Variants in WNT2B observed in about 807,000 individuals in gnomAD.
WNT2B encodes the protein protein Wnt-2b.
In WNT2B, 19 loss-of-function variants were observed where a neutral mutation model predicts 40.5. The ratio of observed to expected loss-of-function variants is 0.47; its 90% CI spans 0.33 to 0.69. WNT2B has a LOEUF of 0.69. WNT2B is among the 30% of genes least tolerant of loss of function. The pLI, the probability that WNT2B is intolerant of heterozygous loss-of-function variation, is 0.02. For missense variants in WNT2B, 467 were observed against 556.4 expected (o/e 0.84, Z 1.62); for synonymous variants, 220 against 211.9 (o/e 1.04, Z -0.33).
chr1:112,479,464 C>G (rs910728749), intron 1 of WNT2B, among the ~76,000 whole-genome samples: 17 of 151,570 alleles, frequency 1.1e-4, no homozygotes, highest in Non-Finnish European at 1.9e-4. Context: ...ATCCCAGCTA[C>G]TTGGGAGGCT....
intron 1 of WNT2B, among the ~76,000 whole-genome samples, chr1:112,485,272 C>T (rs368593671): frequency 6.6e-6 from 1 of 151,992 alleles, no homozygotes; most frequent in Admixed American, 6.6e-5. Context: ...ACCAGCCTGC[C>T]CAACATGTCA....
chr1:112,496,672 C>T (rs1651782811), intron 1 of WNT2B, among the ~76,000 whole-genome samples: 2 of 151,554 alleles, frequency 1.3e-5, no homozygotes, highest in African/African-American at 2.4e-5. Flanking sequence ...ATGATCTTGG[C>T]TCACCACAAC....
At chr1:112,507,084 A>G (rs934314116), upstream of WNT2B, among the ~76,000 whole-genome samples, 3 of 152,160 alleles carry the variant, frequency 2.0e-5, no homozygotes, top group African/African-American at 7.2e-5. Context: ...CCCTCGGCTT[A>G]GGATGCTCTT....
chr1:112,517,083 C>G, intron 3 of WNT2B, 38 bp from the exon 4 acceptor site: 1 of 1,593,090 alleles, frequency 6.3e-7, no homozygotes, highest in Non-Finnish European at 8.6e-7. Context: ...GTGTCCTGAC[C>G]AGCTACTTCT....
At chr1:112,488,890 A>G (rs1253490834) in intron 1 of WNT2B, among the ~76,000 whole-genome samples, 1 of 151,828 alleles carries the variant, frequency 6.6e-6, no homozygotes, top group Non-Finnish European at 1.5e-5. Flanking sequence ...GGATTTTCCT[A>G]TGTCACCCAG....
intron 1 of WNT2B, among the ~76,000 whole-genome samples, chr1:112,512,144 T>C (rs1478940526): frequency 1.3e-5 from 2 of 151,878 alleles, no homozygotes; most frequent in South Asian, 2.1e-4. Context: ...CATCTGCAGA[T>C]AGGCTGGCAA....
Position 112,527,996 on chromosome 1 carries a change from GAAT to G in WNT2B, c.*7491_*7493del, listed in dbSNP as rs1372480983. The G allele has an allele frequency of 1.3e-5, 2 of 152,160 alleles. No homozygotes were observed. The highest frequency in any genetic ancestry group is 4.8e-5 in the African/African-American group (2 of 41,444). 9.4% of individuals were successfully genotyped at this position (152,160 alleles called of 1,614,324 possible). On this transcript the variant is annotated 3_prime_UTR_variant, in exon 5 of 5. Coordinates refer to ENST00000369684, the MANE Select transcript of WNT2B (RefSeq NM_024494.3). ...GGCTGGAGGAAGATGATCATTCCTA[GAAT>G]AATTATGCTTACTGGGTGACAATAT...
At chr1:112,477,460 A>G (rs1489546388) in intron 1 of WNT2B, among the ~76,000 whole-genome samples, 1 of 77,876 alleles carries the variant, frequency 1.3e-5, no homozygotes, top group African/African-American at 5.2e-5. Flanking sequence ...CATCACTACA[A>G]GGCTAAAGAA....
rs116056416 is a variant in WNT2B at position 112,515,636 on chromosome 1, C to T, written c.404-504C>T. Among the ~76,000 whole-genome samples the T allele has an allele frequency of 4.9e-4, 74 of 152,186 alleles. No homozygotes were observed. Among genetic ancestry groups the T allele is most frequent in the African/African-American group, 1.5e-3 (62 of 41,512 alleles). ...TCTGGAGGTGTCAGGCATACAGGGG[C>T]GATAATTCATCAGTCTCCAAGAGCA... is the stretch of plus-strand genomic sequence containing the variant. On this transcript the variant is annotated intron_variant, in intron 2 of 4. Transcript: ENST00000369684. This position sits in a 1 kb window ranked among gnomAD's most constrained non-coding sequence, Gnocchi z 4.4.
intron 1 of WNT2B, among the ~76,000 whole-genome samples, chr1:112,489,464 T>C (rs1315230181): frequency 2.0e-5 from 3 of 151,978 alleles, no homozygotes; most frequent in African/African-American, 7.2e-5. Context: ...CTCGGGAGGC[T>C]GAGGCAGGAG....
chr1:112,467,559 G>A (rs770988523), exon 1 of WNT2B: 1 of 780,518 alleles, frequency 1.3e-6, no homozygotes, highest in Non-Finnish European at 2.4e-6. Context: ...CCTTGGAGTG[G>A]TAGCCATAAG....
chr1:112,502,128 G>A (rs369144803), intron 1 of WNT2B, among the ~76,000 whole-genome samples: 1 of 152,170 alleles, frequency 6.6e-6, no homozygotes, highest in South Asian at 2.1e-4. Flanking sequence ...CTCACTCTGC[G>A]GCTCGCTCTC....
intron 1 of WNT2B, among the ~76,000 whole-genome samples, chr1:112,495,302 C>T (rs180806543): frequency 6.6e-6 from 1 of 151,690 alleles, no homozygotes; most frequent in African/African-American, 2.4e-5. Context: ...ATAGGCCAGG[C>T]GTGGTGGCTC....
chr1:112,474,096 A>T (rs879420653), intron 1 of WNT2B, among the ~76,000 whole-genome samples: 1 of 151,818 alleles, frequency 6.6e-6, no homozygotes, highest in Non-Finnish European at 1.5e-5. Context: ...AGAAAAAGAA[A>T]AAGAAACATC....
chr1:112,513,987 T>C lies in WNT2B; in HGVS notation c.183-887T>C, dbSNP rs376856899. On this transcript the variant is annotated intron_variant, in intron 1 of 4. Coordinates refer to ENST00000369684, the MANE Select transcript of WNT2B (RefSeq NM_024494.3). Reference sequence around the variant, plus strand: ...TGAGGCTTGTGGTGGGATCCAGGGTTAAAACTGAGTGAAGAGAAAATATTG... The same window carrying C: ...TGAGGCTTGTGGTGGGATCCAGGGTCAAAACTGAGTGAAGAGAAAATATTG... Among the ~76,000 whole-genome samples, 517 of 152,312 alleles carry C rather than the reference T, an allele frequency of 3.4e-3. 4 individuals are homozygous for C. Among genetic ancestry groups the C allele is most frequent in the African/African-American group, 0.012 (496 of 41,564 alleles).
chr1:112,505,487 C>T (rs575675702), upstream of WNT2B, among the ~76,000 whole-genome samples: 9 of 152,298 alleles, frequency 5.9e-5, no homozygotes, highest in East Asian at 9.7e-4. Context: ...AGATCAGTGA[C>T]TCCTCCCTCT....
In WNT2B at chr1:112,515,468, T is replaced by C. The variant is rs140016078; in HGVS notation, c.403+374T>C. Among the ~76,000 whole-genome samples, 42 of 150,758 alleles carry C rather than the reference T, an allele frequency of 2.8e-4. No individual in the cohort carries two copies. The East Asian group carries it at 7.1e-3, about 26-fold the overall frequency. On this transcript the variant is annotated intron_variant, in intron 2 of 4. Coordinates refer to ENST00000369684, the MANE Select transcript of WNT2B (RefSeq NM_024494.3). The surrounding 1 kb of genome is among the most constrained non-coding windows in gnomAD (Gnocchi z 4.4). ...ACCATCACTATCGTCACCCCAACAC[T>C]CCCAACACTACAGTAATGGGAACAA...
At chr1:112,508,693 C>G (rs2101080766), upstream of WNT2B, 1 of 984,450 alleles carries the variant, frequency 1.0e-6, no homozygotes, top group African/African-American at 1.7e-5. The surrounding 1 kb of genome is among the most constrained non-coding windows in gnomAD (Gnocchi z 4.2). Flanking sequence ...GAGTGAAGGG[C>G]GCTAGGACCC....
chr1:112,479,090 A>G (rs374356741), intron 1 of WNT2B, among the ~76,000 whole-genome samples: 25 of 151,976 alleles, frequency 1.6e-4, no homozygotes, highest in Non-Finnish European at 3.2e-4. Flanking sequence ...GCGTAGTGGT[A>G]CATGCCTGTA....
Sources: gnomAD v4.1 joint callset for allele counts (sites outside exome capture counted in the v4.1 genomes callset) on GRCh38, gnomAD v4.1.1 for gene constraint, Gnocchi (gnomAD v3.1) non-coding constraint, MANE v1.5 for transcripts, NCBI Gene and HGNC (gene_info 2026-07-23, HGNC 2026-07-21) for gene names.